Variants in RYR2 observed in about 807,000 individuals in gnomAD.
RYR2 encodes cardiac muscle ryanodine receptor-calcium release channel.
RYR2 carries 227 observed loss-of-function variants against 601.1 expected under a neutral mutation model. The observed-to-expected ratio is 0.38, with a 90% CI of 0.34 to 0.42. The LOEUF (loss-of-function observed/expected upper bound fraction) is 0.42. Among genes scored for constraint, RYR2 ranks in the 10% least tolerant of loss-of-function variants. The pLI, the probability that RYR2 is intolerant of heterozygous loss-of-function variation, is 1.00. For missense variants in RYR2, 4,646 were observed against 6,156.5 expected (o/e 0.75, Z 8.21); for synonymous variants, 2,223 against 2,175.1 (o/e 1.02, Z -0.61).
chr1:237,613,804 C>T (rs2148591541), intron 36 of RYR2, among the ~76,000 whole-genome samples: 1 of 152,270 alleles, frequency 6.6e-6, no homozygotes, highest in East Asian at 1.9e-4. Context: ...TTCAGACTTT[C>T]AGATTCAGGA....
At chr1:237,605,267 C>T (rs191015134) in intron 35 of RYR2, among the ~76,000 whole-genome samples, 14 of 152,286 alleles carry the variant, frequency 9.2e-5, no homozygotes, top group African/African-American at 3.4e-4. Flanking sequence ...GCTGGTTCAA[C>T]ATACACAAAT....
intron 1 of RYR2, among the ~76,000 whole-genome samples, chr1:237,052,619 G>T (rs1039587969): frequency 6.6e-6 from 1 of 152,020 alleles, no homozygotes; most frequent in Non-Finnish European, 1.5e-5. Flanking sequence ...ATGTTTTAAA[G>T]TGCTTGTTTT....
At chr1:237,473,514 C>T (rs1453465823) in intron 17 of RYR2, among the ~76,000 whole-genome samples, 1 of 144,194 alleles carries the variant, frequency 6.9e-6, no homozygotes, top group Non-Finnish European at 1.5e-5. Context: ...ATCTGTCCGT[C>T]CAATAATTCC....
In RYR2 at chr1:237,827,854, A is replaced by G. The variant is rs558407639; in HGVS notation, c.14591-527A>G. Reference sequence around the variant, plus strand: ...GGGGAGGCTGAAGCAGGAGAATGGCATGAACCCGGGAGGCGGAGCTTGCAG... The same window carrying G: ...GGGGAGGCTGAAGCAGGAGAATGGCGTGAACCCGGGAGGCGGAGCTTGCAG... On this transcript the variant is annotated intron_variant, in intron 101 of 104. Coordinates refer to ENST00000366574, the MANE Select transcript of RYR2 (RefSeq NM_001035.3). Among the ~76,000 whole-genome samples the G allele has an allele frequency of 8.6e-4, 119 of 138,498 alleles. 2 individuals carry two copies. The highest frequency in any genetic ancestry group is 2.4e-3 in the African/African-American group (90 of 37,826). The allele number at this position is 138,498 out of a possible 152,430, so 90.9% of individuals were successfully genotyped here.
At chr1:237,479,592 A>G (rs1661805247) in intron 17 of RYR2, among the ~76,000 whole-genome samples, 1 of 150,584 alleles carries the variant, frequency 6.6e-6, no homozygotes, top group African/African-American at 2.4e-5. Flanking sequence ...CAGGGGATCC[A>G]TCTTAAAAAA....
chr1:237,705,087 A>C, intron 66 of RYR2, 126 bp from the exon 67 acceptor site: 2 of 768,724 alleles, frequency 2.6e-6, no homozygotes, highest in Non-Finnish European at 4.2e-6. Flanking sequence ...CAGAAATTGG[A>C]TTTGGGAGTT....
At chr1:237,719,409 G>A (rs1019731624) in intron 73 of RYR2, among the ~76,000 whole-genome samples, 2 of 152,110 alleles carry the variant, frequency 1.3e-5, no homozygotes, top group African/African-American at 2.4e-5. Context: ...ATTGATTCAC[G>A]GTTCTGCAGG....
intron 12 of RYR2, among the ~76,000 whole-genome samples, chr1:237,436,629 T>A (rs1707406565): frequency 6.6e-6 from 1 of 150,614 alleles, no homozygotes; most frequent in African/African-American, 2.4e-5. Context: ...AATAAAAAAA[T>A]TCTTTTGACT....
chr1:237,743,089 T>C (rs1197751951), intron 80 of RYR2, among the ~76,000 whole-genome samples: 1 of 152,200 alleles, frequency 6.6e-6, no homozygotes, highest in Non-Finnish European at 1.5e-5. Flanking sequence ...TTTAGAATTT[T>C]CATAAAGAAA....
At chr1:237,306,850 C>T (rs1693922961) in intron 2 of RYR2, among the ~76,000 whole-genome samples, 2 of 152,048 alleles carry the variant, frequency 1.3e-5, no homozygotes, top group African/African-American at 4.8e-5. Flanking sequence ...AGAATCAAGC[C>T]TTATTTGGGC....
At chr1:237,046,685 A>G (rs973732667) in intron 1 of RYR2, among the ~76,000 whole-genome samples, 1 of 152,230 alleles carries the variant, frequency 6.6e-6, no homozygotes, top group African/African-American at 2.4e-5. Flanking sequence ...CTTTGGCTTC[A>G]GATAAGTGTT....
intron 16 of RYR2, among the ~76,000 whole-genome samples, chr1:237,465,234 C>T (rs1279921940): frequency 6.9e-6 from 1 of 145,038 alleles, no homozygotes; most frequent in Non-Finnish European, 1.5e-5. Flanking sequence ...AACAGATTTC[C>T]TGATATATTT....
Position 237,628,000 on chromosome 1 carries a change from G to T in RYR2, c.6360G>T (p.Leu2120=). The change falls in exon 41 of 105, where the codon CTG becomes CTT. Residue 2120 remains leucine, a synonymous_variant. Transcript: ENST00000366574. ...CCGTGGAGGACACCATCAACCTGCT[G>T]GCATCCCTTGGTCAGATTCGGTCCC... ...GVSVEDTINL[L]ASLGQIRSLL... The T allele has an allele frequency of 6.2e-7, 1 of 1,613,882 alleles. No homozygotes were observed.
At chr1:237,158,511 A>G (rs1228949402) in intron 1 of RYR2, among the ~76,000 whole-genome samples, 1 of 152,204 alleles carries the variant, frequency 6.6e-6, no homozygotes, top group African/African-American at 2.4e-5. Flanking sequence ...ACATTTATCT[A>G]TAAGGATCAC....
chr1:237,604,295 C>T (rs924311953), intron 35 of RYR2, among the ~76,000 whole-genome samples: 9 of 152,058 alleles, frequency 5.9e-5, no homozygotes, highest in Non-Finnish European at 1.3e-4. Context: ...ACTACATGGA[C>T]ACTGAACAAC....
intron 10 of RYR2, among the ~76,000 whole-genome samples, chr1:237,389,565 A>G (rs1702210464): frequency 6.6e-6 from 1 of 152,208 alleles, no homozygotes; most frequent in African/African-American, 2.4e-5. Context: ...TGCCATCAGA[A>G]TGGAGAGGTT....
chr1:237,187,325 A>C (rs1000195860), intron 1 of RYR2, among the ~76,000 whole-genome samples: 1 of 150,984 alleles, frequency 6.6e-6, no homozygotes, highest in East Asian at 2.0e-4. Flanking sequence ...TCTCTAGTAG[A>C]GATGGGGTTT....
At chr1:237,654,509 T>G in intron 52 of RYR2, 95 bp downstream of exon 52, 1 of 1,272,428 alleles carries the variant, frequency 7.9e-7, no homozygotes, top group Non-Finnish European at 1.1e-6. Flanking sequence ...ATACTATCTT[T>G]GCTAACCAAG....
chr1:237,308,360 C>T (rs571800090), intron 2 of RYR2, among the ~76,000 whole-genome samples: 5 of 152,300 alleles, frequency 3.3e-5, no homozygotes, highest in East Asian at 1.9e-4. Context: ...CCTACTCTGT[C>T]TATGAAGTAG....
Sources: gnomAD v4.1 joint callset for allele counts (sites outside exome capture counted in the v4.1 genomes callset) on GRCh38, gnomAD v4.1.1 for gene constraint, MANE v1.5 for transcripts, NCBI Gene and HGNC (gene_info 2026-07-23, HGNC 2026-07-21) for gene names.